The following NOX4 variants were observed in gnomAD, a reference collection of about 807,000 sequenced individuals.
NOX4 encodes NADPH oxidase 4.
NOX4 carries 69 observed loss-of-function variants against 87.6 expected under a neutral mutation model. The observed-to-expected ratio is 0.79, with a 90% CI of 0.65 to 0.96. NOX4 has a LOEUF of 0.96. NOX4 is among the 40% of genes least tolerant of loss of function. The pLI, the probability that NOX4 is intolerant of heterozygous loss-of-function variation, is 0.00. For missense variants in NOX4, 680 were observed against 681.5 expected (o/e 1.00, Z 0.02); for synonymous variants, 275 against 238.2 (o/e 1.15, Z -1.42).
intron 12 of NOX4, among the ~76,000 whole-genome samples, chr11:89,359,017 C>T (rs1284181371): frequency 6.6e-6 from 1 of 151,926 alleles, no homozygotes; most frequent in Non-Finnish European, 1.5e-5. Flanking sequence ...GATTTTCTAC[C>T]AGTAGGAGAT....
chr11:89,572,957 T>C, the NOX4 span, among the ~76,000 whole-genome samples: 2 of 152,142 alleles, frequency 1.3e-5, no homozygotes, highest in Non-Finnish European at 2.9e-5. Flanking sequence ...CATATTAAAA[T>C]TCTTTTCTCT....
chr11:89,459,799 G>GA (rs539215536), intron 2 of NOX4, among the ~76,000 whole-genome samples: 1 of 151,888 alleles, frequency 6.6e-6, no homozygotes, highest in Non-Finnish European at 1.5e-5. Context: ...CACAGAATTG[G>GA]AAAAAAACTA....
At chr11:89,508,972 A>T in the NOX4 span, among the ~76,000 whole-genome samples, 1 of 152,060 alleles carries the variant, frequency 6.6e-6, no homozygotes, top group South Asian at 2.1e-4. Context: ...TTTTCCTATT[A>T]TTCAGGAAAC....
intron 11 of NOX4, among the ~76,000 whole-genome samples, chr11:89,374,959 G>A (rs1385119215): frequency 6.6e-6 from 1 of 152,056 alleles, no homozygotes; most frequent in African/African-American, 2.4e-5. Flanking sequence ...GAAGATAAAA[G>A]TACCATATCT....
At chr11:89,449,107 C>T (rs16913262) in intron 4 of NOX4, among the ~76,000 whole-genome samples, 3,363 of 152,146 alleles carry the variant, frequency 0.022, 131 homozygotes, top group African/African-American at 0.077. Flanking sequence ...CAACCCTTTT[C>T]AAAAACATGG....
chr11:89,572,626 T>C, the NOX4 span, among the ~76,000 whole-genome samples: 1 of 152,182 alleles, frequency 6.6e-6, no homozygotes. Flanking sequence ...CTAGGCTCAC[T>C]GCAAGCTCCA....
At chr11:89,362,506 C>T (rs1222187957) in intron 12 of NOX4, among the ~76,000 whole-genome samples, 1 of 152,000 alleles carries the variant, frequency 6.6e-6, no homozygotes, top group Non-Finnish European at 1.5e-5. Flanking sequence ...GGCTCCTGAT[C>T]ATATATAATA....
intron 12 of NOX4, among the ~76,000 whole-genome samples, chr11:89,368,945 T>C (rs1939227094): frequency 6.6e-6 from 1 of 152,148 alleles, no homozygotes. Context: ...GATATATTTT[T>C]ATAGATATAA....
chr11:89,481,869 C>T (rs530501017), intron 2 of NOX4, among the ~76,000 whole-genome samples: 8 of 152,160 alleles, frequency 5.3e-5, no homozygotes. Context: ...AAAGTATATA[C>T]AACTATGACT....
intron 2 of NOX4, among the ~76,000 whole-genome samples, chr11:89,478,684 C>T (rs1348895310): frequency 6.6e-6 from 1 of 152,076 alleles, no homozygotes. Context: ...CTCATTTAAA[C>T]CCAGTACAAG....
intron 11 of NOX4, among the ~76,000 whole-genome samples, chr11:89,382,550 T>C (rs1940369515): frequency 1.3e-5 from 2 of 151,970 alleles, no homozygotes; most frequent in South Asian, 4.2e-4. Flanking sequence ...CTCCCACCTG[T>C]CCCCTCAGTC....
chr11:89,537,086 A>T, the NOX4 span, among the ~76,000 whole-genome samples: 1 of 152,226 alleles, frequency 6.6e-6, no homozygotes, highest in Non-Finnish European at 1.5e-5. Context: ...TCCAAAAAGC[A>T]AGGCATATCC....
At chr11:89,578,839 A>G in the NOX4 span, among the ~76,000 whole-genome samples, 1 of 152,210 alleles carries the variant, frequency 6.6e-6, no homozygotes, top group East Asian at 1.9e-4. Flanking sequence ...ATGCCCATAC[A>G]AGGAATTTCA....
chr11:89,446,169 C>T (rs1395475269), intron 4 of NOX4, among the ~76,000 whole-genome samples: 2 of 152,106 alleles, frequency 1.3e-5, no homozygotes, highest in South Asian at 2.1e-4. Flanking sequence ...GTTACCACTA[C>T]GTACCTATTA....
chr11:89,428,471 C>T (rs1943576542), intron 7 of NOX4, among the ~76,000 whole-genome samples: 1 of 105,460 alleles, frequency 9.5e-6, no homozygotes, highest in African/African-American at 5.9e-5. Flanking sequence ...TCAGGAAACC[C>T]ATCTCACATG....
At chr11:89,539,229 C>T in the NOX4 span, among the ~76,000 whole-genome samples, 2 of 152,030 alleles carry the variant, frequency 1.3e-5, no homozygotes, top group African/African-American at 2.4e-5. Flanking sequence ...GTCAGGAGAT[C>T]GAGACGATCC....
chr11:89,519,761 T>G, the NOX4 span, among the ~76,000 whole-genome samples: 1 of 152,156 alleles, frequency 6.6e-6, no homozygotes, highest in South Asian at 2.1e-4. Context: ...ATTTCAAATA[T>G]ATAACATTTA....
chr11:89,450,057 T>G (rs535766582), intron 3 of NOX4, among the ~76,000 whole-genome samples: 3 of 152,290 alleles, frequency 2.0e-5, no homozygotes, highest in Admixed American at 2.0e-4. Flanking sequence ...GTCAAGCACC[T>G]CTGAATCACT....
Position 89,457,055 on chromosome 11 carries a change from C to T in NOX4, c.154-5160G>A, listed in dbSNP as rs536294418. Among the ~76,000 whole-genome samples, 435 of 152,276 alleles carry T rather than the reference C, an allele frequency of 2.9e-3. 2 individuals carry two copies. Among genetic ancestry groups the T allele is most frequent in the African/African-American group, 0.01 (421 of 41,554 alleles). On this transcript the variant is annotated intron_variant, in intron 2 of 17. Transcript: ENST00000263317. Reference sequence around the variant, plus strand: ...CCAGGGGTTATCATCATAGCTCCTTCACTGGAAGACTGTGTCTGTTTGTTG... The same window carrying T: ...CCAGGGGTTATCATCATAGCTCCTTTACTGGAAGACTGTGTCTGTTTGTTG...
Sources: allele counts gnomAD v4.1 joint callset (sites outside exome capture counted in the v4.1 genomes callset), GRCh38; gene constraint gnomAD v4.1.1; transcripts MANE v1.5; gene names NCBI Gene and HGNC (gene_info 2026-07-23, HGNC 2026-07-21).